TOMM34: variants seen among roughly 807,000 people sequenced by gnomAD.
TOMM34 encodes translocase of outer mitochondrial membrane 34, also known as mitochondrial import receptor subunit TOM34.
TOMM34 carries 24 observed loss-of-function variants against 37.4 expected under a neutral mutation model. That is an observed-to-expected ratio of 0.64 (90% CI 0.46 to 0.90). The LOEUF (loss-of-function observed/expected upper bound fraction) is 0.90. Among genes scored for constraint, TOMM34 ranks in the 40% least tolerant of loss-of-function variants. TOMM34 has a pLI of 0.00. For synonymous variants in TOMM34, 154 were observed against 148.9 expected (o/e 1.03, Z -0.25); for missense variants, 304 against 375.6 (o/e 0.81, Z 1.58).
intron 1 of TOMM34, 34 bp downstream of exon 1, chr20:44,960,173 A>G (rs1263957147): frequency 2.6e-6 from 4 of 1,540,546 alleles, no homozygotes; most frequent in Non-Finnish European, 2.6e-6. Context: ...TTGGAGGAGC[A>G]GGCCCGGAGG....
At position 44,943,585 on chromosome 20, in the gene TOMM34, G is replaced by A. The variant is rs769875169; in HGVS notation, c.699-6C>T. ...GGACCAAATAGCAGAGTGCTCTGAAGGGAAAGACCATTTCAGAGGTTTCAG... is the reference window on the plus strand; with the variant it reads ...GGACCAAATAGCAGAGTGCTCTGAAAGGAAAGACCATTTCAGAGGTTTCAG... On this transcript the variant is annotated splice_polypyrimidine_tract_variant and splice_region_variant and intron_variant, in intron 5 of 6. Coordinates refer to ENST00000372813, the MANE Select transcript of TOMM34 (RefSeq NM_006809.5). 2 of 1,614,068 alleles carry A rather than the reference G, an allele frequency of 1.2e-6. No individual in the cohort carries two copies. Among genetic ancestry groups the A allele is most frequent in the South Asian group, 1.1e-5 (1 of 91,068 alleles).
At position 44,958,019 on chromosome 20, in the gene TOMM34, A is replaced by G. The variant is rs1436766671; in HGVS notation, c.128-1534T>C. Among the ~76,000 whole-genome samples, 4 of 152,014 alleles carry G rather than the reference A, an allele frequency of 2.6e-5. No homozygotes were observed. The East Asian group carries it at 7.7e-4, about 29-fold the overall frequency. ...CTGTGCTCCCTCCCCAGACTCACAG[A>G]GGCCAGTACAATCCTGAAGTTGGTA... On this transcript the variant is annotated intron_variant, in intron 1 of 6. Coordinates refer to ENST00000372813, the MANE Select transcript of TOMM34 (RefSeq NM_006809.5).
At chr20:44,957,178 C>G (rs1320628723) in intron 1 of TOMM34, among the ~76,000 whole-genome samples, 2 of 152,154 alleles carry the variant, frequency 1.3e-5, no homozygotes, top group East Asian at 3.9e-4. Flanking sequence ...CTGTGGCCAC[C>G]ATGATCTTTA....
At position 44,960,318 on chromosome 20, in the gene TOMM34, G is replaced by C. The variant is rs767011488; in HGVS notation, c.16C>G (p.Pro6Ala). Residue 6 changes from proline to alanine, a missense_variant, in exon 1 of 7, where the codon CCA becomes GCA. Transcript: ENST00000372813. The stretch of plus-strand genomic sequence containing the variant: ...GCGCGGAGCTCCTCCACAGAGTCTG[G>C]GAATTTGGGGGCCATCCCGTGGCCA... MAPKF[P>A]DSVEELRAAG... 34 of 1,579,706 alleles carry C rather than the reference G, an allele frequency of 2.2e-5. 1 individual carries two copies. The highest frequency in any genetic ancestry group is 8.6e-6 in the Non-Finnish European group (10 of 1,163,896).
intron 5 of TOMM34, among the ~76,000 whole-genome samples, chr20:44,945,477 T>G (rs2066972556): frequency 6.6e-6 from 1 of 152,202 alleles, no homozygotes; most frequent in South Asian, 2.1e-4. Flanking sequence ...AGCTTCCACC[T>G]TGGTCTCTGG....
intron 3 of TOMM34, 40 bp from the exon 4 acceptor site, chr20:44,952,042 G>T: frequency 6.3e-7 from 1 of 1,578,220 alleles, no homozygotes; most frequent in Non-Finnish European, 8.6e-7. Context: ...TTTCCAGCTG[G>T]GTCAAGAAGA....
rs2066943021 is a variant in TOMM34 at position 44,942,434 on chromosome 20, G to C, written c.*675C>G. The C allele has an allele frequency of 6.5e-6, 1 of 152,694 alleles. No homozygotes were observed. Among genetic ancestry groups the C allele is most frequent in the African/African-American group, 2.4e-5 (1 of 41,454 alleles). 9.5% of individuals were successfully genotyped at this position (152,694 alleles called of 1,614,324 possible). A position where few individuals can be genotyped will look rare whatever the true frequency, so the allele number is the denominator to read the frequency against. On this transcript the variant is annotated 3_prime_UTR_variant, in exon 7 of 7. Coordinates refer to ENST00000372813, the MANE Select transcript of TOMM34 (RefSeq NM_006809.5). Reference sequence around the variant, plus strand: ...CTAGGAGGAGCAGCCACAATCACTGGGCTCTTTAAACAGCTTAGGTGCCTC... The same window carrying C: ...CTAGGAGGAGCAGCCACAATCACTGCGCTCTTTAAACAGCTTAGGTGCCTC...
rs780403186 is a variant in TOMM34, at chr20:44,955,267, AG to A, written c.228-48del. On this transcript the variant is annotated intron_variant, in intron 2 of 6. Transcript: ENST00000372813. ...TCAACTGGCTGGCTGCTGAGCCACC[AG>A]GGTTTCCCTACAGTTTCTTCCAGGC... is the stretch of plus-strand genomic sequence containing the variant. 8 of 1,602,082 alleles carry A rather than the reference AG, an allele frequency of 5.0e-6. 1 individual carries two copies. The South Asian group carries it at 8.9e-5, about 18-fold the overall frequency.
intron 3 of TOMM34, 73 bp from the exon 4 acceptor site, chr20:44,952,075 T>C (rs1360847642): frequency 2.6e-6 from 4 of 1,521,592 alleles, no homozygotes; most frequent in Admixed American, 4.3e-5. Context: ...CACACACCCA[T>C]GGGAGGTAGG....
intron 1 of TOMM34, among the ~76,000 whole-genome samples, chr20:44,959,314 G>T (rs535084119): frequency 5.3e-5 from 8 of 152,220 alleles, no homozygotes; most frequent in Non-Finnish European, 1.2e-4. Context: ...GAGGGTTTCT[G>T]ATTAAGTCAC....
intron 1 of TOMM34, 140 bp downstream of exon 1, chr20:44,960,067 T>G: frequency 7.2e-7 from 1 of 1,392,940 alleles, no homozygotes; most frequent in Non-Finnish European, 9.3e-7. Context: ...CGAGGAAGTT[T>G]CTGGTAGGAT....
rs200465282 is a variant in TOMM34, at chr20:44,947,776, T to C, written c.698+954A>G. Among the ~76,000 whole-genome samples the C allele has an allele frequency of 1.1e-4, 17 of 152,350 alleles. No individual in the cohort carries two copies. The East Asian group carries it at 2.7e-3, about 24-fold the overall frequency. ...CCTCAGCCTCCCAAAGTGTTGGGAT[T>C]ACAGGCATTGAGCCACCGTGGCTGG... is the stretch of plus-strand genomic sequence containing the variant. On this transcript the variant is annotated intron_variant, in intron 5 of 6. Transcript: ENST00000372813.
At chr20:44,948,581 G>T in intron 5 of TOMM34, 149 bp downstream of exon 5, 1 of 973,208 alleles carries the variant, frequency 1.0e-6, no homozygotes, top group Non-Finnish European at 1.5e-6. Context: ...GAATGCCACT[G>T]GTCATGGCTA....
Position 44,943,215 on chromosome 20 carries a change from T to C in TOMM34, c.826-2A>G. 1.2e-6 allele frequency: 2 copies of C among 1,614,030 alleles called. No homozygotes were observed. Among genetic ancestry groups the C allele is most frequent in the Non-Finnish European group, 1.7e-6 (2 of 1,179,938 alleles). On this transcript the variant is annotated splice_acceptor_variant, in intron 6 of 6. Coordinates refer to ENST00000372813, the MANE Select transcript of TOMM34 (RefSeq NM_006809.5). LOFTEE classifies it high-confidence loss of function. ...GTCTGCAAAGCTGGATTTATAGTCC[T>C]AATAGAAGAAAAGACAGGAGTGTGG...
chr20:44,946,973 A>G (rs2066985907), intron 5 of TOMM34, among the ~76,000 whole-genome samples: 1 of 152,236 alleles, frequency 6.6e-6, no homozygotes, highest in South Asian at 2.1e-4. Context: ...CAGCCCTATA[A>G]GATATTATAA....
intron 2 of TOMM34, chr20:44,955,447 C>A: frequency 1.5e-6 from 1 of 655,192 alleles, no homozygotes; most frequent in Non-Finnish European, 2.8e-6. Flanking sequence ...AATGTGTGTG[C>A]ACATGCATCA....
At chr20:44,950,664 A>G (rs2067018486) in intron 4 of TOMM34, among the ~76,000 whole-genome samples, 1 of 152,186 alleles carries the variant, frequency 6.6e-6, no homozygotes, top group African/African-American at 2.4e-5. Flanking sequence ...AGCACCGCAC[A>G]TTTTCATCCT....
chr20:44,960,149 G>C, intron 1 of TOMM34, 58 bp downstream of exon 1: 1 of 1,511,756 alleles, frequency 6.6e-7, no homozygotes, highest in South Asian at 1.3e-5. Flanking sequence ...AGGCCCGGGC[G>C]GTGGTTGCGG....
intron 1 of TOMM34, chr20:44,958,191 C>T (rs1417285131): frequency 5.4e-6 from 2 of 367,562 alleles, no homozygotes; most frequent in Non-Finnish European, 1.1e-5. Flanking sequence ...CATTTTATGT[C>T]TATTAAAGCA....
Sources: gnomAD v4.1 joint callset for allele counts (sites outside exome capture counted in the v4.1 genomes callset) on GRCh38, gnomAD v4.1.1 for gene constraint, MANE v1.5 for transcripts, NCBI Gene and HGNC (gene_info 2026-07-23, HGNC 2026-07-21) for gene names.